Variants in SNRPC observed in about 807,000 individuals in gnomAD.
The protein encoded by SNRPC is small nuclear ribonucleoprotein polypeptide C, also known as U1 small nuclear ribonucleoprotein C.
SNRPC carries 5 observed loss-of-function variants against 20.0 expected under a neutral mutation model. That is an observed-to-expected ratio of 0.25 (90% CI 0.13 to 0.53). The LOEUF (loss-of-function observed/expected upper bound fraction) is 0.53, where lower values mean the gene tolerates loss of function less well. Among genes scored for constraint, SNRPC ranks in the 20% least tolerant of loss-of-function variants. SNRPC has a pLI of 0.96. For missense variants in SNRPC, 112 were observed against 224.1 expected (o/e 0.50, Z 3.19); for synonymous variants, 61 against 58.7 (o/e 1.04, Z -0.18).
intron 2 of SNRPC, among the ~76,000 whole-genome samples, chr6:34,760,956 G>A (rs1261802726): frequency 6.6e-6 from 1 of 151,520 alleles, no homozygotes; most frequent in African/African-American, 2.4e-5. Context: ...GCTGAAGCAG[G>A]AGAATCACTT....
intron 3 of SNRPC, among the ~76,000 whole-genome samples, chr6:34,765,227 A>G (rs774559674): frequency 2.6e-5 from 4 of 152,130 alleles, no homozygotes; most frequent in Non-Finnish European, 5.9e-5. Context: ...GCATATGCCA[A>G]CTAGATGCCC....
intron 4 of SNRPC, among the ~76,000 whole-genome samples, chr6:34,768,577 C>T (rs932032253): frequency 2.0e-5 from 3 of 151,932 alleles, no homozygotes; most frequent in African/African-American, 7.3e-5. Flanking sequence ...CATCGTGAAA[C>T]CCCATCCCTA....
At chr6:34,771,835 C>G (rs1303452243) in intron 5 of SNRPC, among the ~76,000 whole-genome samples, 5 of 152,162 alleles carry the variant, frequency 3.3e-5, no homozygotes, top group Admixed American at 1.3e-4. Context: ...GAGCCCAAAA[C>G]ACAATCAAAT....
At chr6:34,772,772 C>A (rs1764706211) in intron 5 of SNRPC, among the ~76,000 whole-genome samples, 1 of 152,142 alleles carries the variant, frequency 6.6e-6, no homozygotes, top group African/African-American at 2.4e-5. Context: ...TACCCCTCTG[C>A]CTGCCCTCCC....
At chr6:34,758,032 G>T in intron 2 of SNRPC, 78 bp downstream of exon 2, 1 of 1,486,494 alleles carries the variant, frequency 6.7e-7, no homozygotes, top group Non-Finnish European at 9.1e-7. Flanking sequence ...TTTTTAAGTT[G>T]CAAGTTGTGC....
intron 4 of SNRPC, among the ~76,000 whole-genome samples, chr6:34,768,238 T>C (rs1764639480): frequency 6.6e-6 from 1 of 152,208 alleles, no homozygotes; most frequent in African/African-American, 2.4e-5. Context: ...AGATACTGTA[T>C]TTGTGGAATC....
intron 3 of SNRPC, among the ~76,000 whole-genome samples, chr6:34,765,775 G>A (rs923933693): frequency 6.6e-6 from 1 of 151,428 alleles, no homozygotes; most frequent in Non-Finnish European, 1.5e-5. Flanking sequence ...GTCTCACTCT[G>A]TTGCCCAGAC....
At chr6:34,768,025 G>A (rs1764636668) in intron 4 of SNRPC, 28 bp downstream of exon 4, 3 of 1,590,296 alleles carry the variant, frequency 1.9e-6, no homozygotes, top group African/African-American at 2.7e-5. Flanking sequence ...ATCTTAAGGG[G>A]TGTGACGGGG....
At position 34,767,900 on chromosome 6, in the gene SNRPC, C is replaced by CTCATT. The variant is rs374471651; in HGVS notation, c.161-6_161-5insATTTC. On this transcript the variant is annotated splice_polypyrimidine_tract_variant and splice_region_variant and intron_variant, in intron 3 of 5. Coordinates refer to ENST00000244520, the MANE Select transcript of SNRPC (RefSeq NM_003093.3). Reference sequence around the variant, plus strand: ...CTTTTTTTTTTTTTTTTTCCTCACCCTCCAAAGCGGCTGCATTTCAACAAG... The same window carrying CTCATT: ...CTTTTTTTTTTTTTTTTTCCTCACCCTCATTTCCAAAGCGGCTGCATTTCAACAAG... 2 of 1,478,294 alleles carry CTCATT rather than the reference C, an allele frequency of 1.4e-6. No individual in the cohort carries two copies. Among genetic ancestry groups the CTCATT allele is most frequent in the South Asian group, 1.2e-5 (1 of 81,616 alleles). 91.6% of individuals were successfully genotyped at this position (1,478,294 alleles called of 1,614,324 possible).
intron 4 of SNRPC, among the ~76,000 whole-genome samples, chr6:34,768,878 C>CT (rs766736838): frequency 4.6e-5 from 7 of 151,988 alleles, no homozygotes; most frequent in Non-Finnish European, 7.4e-5. Flanking sequence ...CAAGAGGAGA[C>CT]TGAGTGCTGT....
intron 4 of SNRPC, 76 bp downstream of exon 4, chr6:34,768,073 T>G: frequency 7.3e-7 from 1 of 1,361,402 alleles, no homozygotes; most frequent in South Asian, 1.3e-5. Flanking sequence ...ATCTCACCGT[T>G]GGCTTTCAAA....
rs1406688396 is a variant in SNRPC at position 34,758,753 on chromosome 6, T to TA, written c.51+800dup. 2.0e-5 allele frequency among the ~76,000 whole-genome samples: 3 copies of TA among 152,004 alleles called. No homozygotes were observed. The East Asian group carries it at 5.8e-4, about 29-fold the overall frequency. On this transcript the variant is annotated intron_variant, in intron 2 of 5. Transcript: ENST00000244520. ...TTGAGTTAGTGCCAGGGTTCAAATG[T>TA]AGACACATTTGATTATGTAATGAAA...
At chr6:34,763,891 A>G (rs1764576458) in intron 3 of SNRPC, among the ~76,000 whole-genome samples, 1 of 147,920 alleles carries the variant, frequency 6.8e-6, no homozygotes, top group Non-Finnish European at 1.5e-5. Flanking sequence ...CAATTTTTGT[A>G]TTTTTAGTAG....
chr6:34,769,231 T>TC (rs1302356586), intron 4 of SNRPC, among the ~76,000 whole-genome samples: 1 of 83,020 alleles, frequency 1.2e-5, no homozygotes, highest in Non-Finnish European at 2.4e-5. Flanking sequence ...CTTTCTTTCT[T>TC]TTTTTTTTTT....
rs573775046 is a variant in SNRPC, at chr6:34,772,370, A to G, written c.356-1076A>G. The stretch of plus-strand genomic sequence containing the variant: ...GTTTCCAGTTTTTAGTCTTTGGTCT[A>G]TGTCCATCCATTTCCTCTAAGAAAT... On this transcript the variant is annotated intron_variant, in intron 5 of 5. Transcript: ENST00000244520. Among the ~76,000 whole-genome samples, 18 of 152,336 alleles carry G rather than the reference A, an allele frequency of 1.2e-4. 1 individual carries two copies. The highest frequency in any genetic ancestry group is 1.1e-3 in the Admixed American group (17 of 15,294).
At chr6:34,758,093 G>C (rs1161720012) in intron 2 of SNRPC, 139 bp downstream of exon 2, 1 of 921,988 alleles carries the variant, frequency 1.1e-6, no homozygotes, top group African/African-American at 1.7e-5. Flanking sequence ...AATAATTGGA[G>C]GTTATTTTCC....
At position 34,773,492 on chromosome 6, in the gene SNRPC, T is replaced by C. The variant is rs1314442561; in HGVS notation, c.402T>C (p.Pro134=). 2 of 1,613,694 alleles carry C rather than the reference T, an allele frequency of 1.2e-6. No individual in the cohort carries two copies. The highest frequency in any genetic ancestry group is 2.2e-5 in the South Asian group (2 of 91,074). ...PPMGGHMPMM[P]GPPMMRPPAR... Reference sequence around the variant, plus strand: ...TGGGAGGCCATATGCCAATGATGCCTGGGCCCCCAATGATGAGACCTCCTG... The same window carrying C: ...TGGGAGGCCATATGCCAATGATGCCCGGGCCCCCAATGATGAGACCTCCTG... Residue 134 remains proline (P), a synonymous_variant, in exon 6 of 6, where the codon CCT becomes CCC. Transcript: ENST00000244520. The surrounding 1 kb of genome is among the most constrained non-coding windows in gnomAD (Gnocchi z 4.1).
chr6:34,759,216 A>G lies in SNRPC; in HGVS notation c.51+1262A>G, dbSNP rs77138762. 8.4e-3 allele frequency among the ~76,000 whole-genome samples: 1,286 copies of G among 152,300 alleles called. 19 individuals are homozygous for G. Among genetic ancestry groups the G allele is most frequent in the African/African-American group, 0.027 (1,119 of 41,552 alleles). The stretch of plus-strand genomic sequence containing the variant: ...TTTCCATTGCTCTCCTTGAAGTGAC[A>G]GGCTCACTCCATTCATTTTTGAGAA... On this transcript the variant is annotated intron_variant, in intron 2 of 5. Transcript: ENST00000244520.
chr6:34,773,821 T>C lies in SNRPC; in HGVS notation c.*251T>C. ...TGTGTTCCCTTTTTCCTCCTCTCTG[T>C]GTTCTCTGTGTATTATAAAAGAAAT... is the stretch of plus-strand genomic sequence containing the variant. On this transcript the variant is annotated 3_prime_UTR_variant, in exon 6 of 6. Coordinates refer to ENST00000244520, the MANE Select transcript of SNRPC (RefSeq NM_003093.3). This position sits in a 1 kb window ranked among gnomAD's most constrained non-coding sequence, Gnocchi z 4.1. 1 of 327,378 alleles carries C rather than the reference T, an allele frequency of 3.1e-6. No homozygotes were observed. Among genetic ancestry groups the C allele is most frequent in the Admixed American group, 4.3e-5 (1 of 23,440 alleles). 20.3% of individuals were successfully genotyped at this position (327,378 alleles called of 1,614,324 possible). A position where few individuals can be genotyped will look rare whatever the true frequency, so the allele number is the denominator to read the frequency against.
Sources: gnomAD v4.1 joint callset for allele counts (sites outside exome capture counted in the v4.1 genomes callset) on GRCh38, gnomAD v4.1.1 for gene constraint, Gnocchi (gnomAD v3.1) non-coding constraint, MANE v1.5 for transcripts, NCBI Gene and HGNC (gene_info 2026-07-23, HGNC 2026-07-21) for gene names.